Variants in AMN1 observed in about 807,000 individuals in gnomAD.
AMN1 encodes antagonist of mitotic exit network 1 homolog, also known as protein AMN1 homolog.
In AMN1, 20 loss-of-function variants were observed where a neutral mutation model predicts 33.0. That is an observed-to-expected ratio of 0.61 (90% CI 0.43 to 0.88). The LOEUF (loss-of-function observed/expected upper bound fraction) is 0.88. Ranked by LOEUF, AMN1 falls within the 40% of genes least tolerant of loss-of-function variation. The pLI is 0.00. For missense variants in AMN1, 246 were observed against 307.4 expected, an observed-to-expected ratio of 0.80 and a Z score of 1.49; for synonymous variants, 114 against 111.9, an observed-to-expected ratio of 1.02 and a Z score of -0.12.
intron 2 of AMN1, chr12:31,708,948 C>T (rs983154675): frequency 3.4e-5 from 13 of 387,368 alleles, no homozygotes; most frequent in South Asian, 7.6e-5. Flanking sequence ...GAGGCTGAGG[C>T]GGATGGATCA....
At chr12:31,699,342 G>A (rs1048266037) in intron 3 of AMN1, among the ~76,000 whole-genome samples, 1 of 124,174 alleles carries the variant, frequency 8.1e-6, no homozygotes, top group African/African-American at 3.0e-5. Context: ...GATGCAGTGA[G>A]CCGAGATGGC....
At chr12:31,701,014 T>C (rs1938973809) in intron 3 of AMN1, among the ~76,000 whole-genome samples, 1 of 149,192 alleles carries the variant, frequency 6.7e-6, no homozygotes, top group Non-Finnish European at 1.5e-5. Flanking sequence ...TTGTTGTTTA[T>C]TTTTGAGAGA....
intron 2 of AMN1, chr12:31,709,056 T>C (rs777650355): frequency 2.4e-5 from 13 of 549,692 alleles, no homozygotes; most frequent in Non-Finnish European, 3.7e-5. Context: ...TGTACACCTA[T>C]AGTCCCAACT....
chr12:31,713,545 A>T lies in AMN1; in HGVS notation c.39-4120T>A, dbSNP rs150637337. Among the ~76,000 whole-genome samples the T allele has an allele frequency of 6.2e-3, 938 of 152,340 alleles. 8 individuals are homozygous for T. Among genetic ancestry groups the T allele is most frequent in the Middle Eastern group, 0.01 (3 of 294 alleles). Reference sequence around the variant, plus strand: ...TGTGTCAGACATCTCAAGACATAAAACATTTCTGATTAAGGCTGAGCATGG... The same window carrying T: ...TGTGTCAGACATCTCAAGACATAAATCATTTCTGATTAAGGCTGAGCATGG... On this transcript the variant is annotated intron_variant, in intron 1 of 6. Transcript: ENST00000281471.
chr12:31,706,773 T>A (rs1414163211), intron 2 of AMN1, among the ~76,000 whole-genome samples: 1 of 152,118 alleles, frequency 6.6e-6, no homozygotes, highest in African/African-American at 2.4e-5. Flanking sequence ...ACCCCCTATG[T>A]CAGCTTAGTA....
intron 1 of AMN1, among the ~76,000 whole-genome samples, chr12:31,715,980 G>A (rs969748276): frequency 6.6e-6 from 1 of 152,198 alleles, no homozygotes; most frequent in Non-Finnish European, 1.5e-5. Context: ...TAAGACTGGT[G>A]TCAGTTGCAA....
intron 2 of AMN1, among the ~76,000 whole-genome samples, chr12:31,705,792 A>G (rs1159117701): frequency 6.6e-6 from 1 of 152,148 alleles, no homozygotes; most frequent in Non-Finnish European, 1.5e-5. Context: ...GACAACATAC[A>G]AAACTCATAA....
chr12:31,711,604 G>A (rs957905116), intron 1 of AMN1, among the ~76,000 whole-genome samples: 1 of 151,986 alleles, frequency 6.6e-6, no homozygotes, highest in African/African-American at 2.4e-5. Context: ...CATAATAGAT[G>A]TACATATTTT....
intron 6 of AMN1, among the ~76,000 whole-genome samples, chr12:31,678,159 C>G (rs1286337835): frequency 6.6e-6 from 1 of 152,112 alleles, no homozygotes; most frequent in Admixed American, 6.6e-5. Flanking sequence ...AAATCTTTGA[C>G]CAAATAAACC....
Position 31,701,969 on chromosome 12 carries a change from G to A in AMN1, c.210C>T (p.Ser70=). The change falls in exon 3 of 7, where the codon AGC becomes AGT. Residue 70 remains serine, a synonymous_variant. Transcript: ENST00000281471. ...GGAGAGCAGCATCTGATATATCGCAGCTCCGTAGATCTAGAGTTTGGACTT... is the reference window on the plus strand; with the variant it reads ...GGAGAGCAGCATCTGATATATCGCAACTCCGTAGATCTAGAGTTTGGACTT... The part of the protein sequence containing the change: ...HPEVQTLDLR[S]CDISDAALLH... 1 of 1,607,942 alleles carries A rather than the reference G, an allele frequency of 6.2e-7. No homozygotes were observed.
At chr12:31,681,086 G>C (rs186422381) in intron 6 of AMN1, among the ~76,000 whole-genome samples, 14 of 152,182 alleles carry the variant, frequency 9.2e-5, no homozygotes, top group Non-Finnish European at 1.6e-4. Flanking sequence ...GAGTAGAAGT[G>C]ATCTGGGTAG....
chr12:31,673,154 T>C (rs1951317112), intron 6 of AMN1: 2 of 152,154 alleles, frequency 1.3e-5, no homozygotes, highest in South Asian at 2.1e-4. Context: ...TTAATAAACT[T>C]GTTTCCATAG....
chr12:31,708,197 G>A (rs948438772), intron 2 of AMN1, among the ~76,000 whole-genome samples: 2 of 152,154 alleles, frequency 1.3e-5, no homozygotes, highest in African/African-American at 2.4e-5. Context: ...ATAAACAGAC[G>A]TGCAAGTAGG....
intron 1 of AMN1, among the ~76,000 whole-genome samples, chr12:31,711,081 T>C (rs1042534508): frequency 6.6e-6 from 1 of 152,168 alleles, no homozygotes; most frequent in Non-Finnish European, 1.5e-5. Flanking sequence ...GGCTAATTTT[T>C]GTATTTTTAA....
At chr12:31,726,161 CTTT>C (rs11384337) in intron 1 of AMN1, among the ~76,000 whole-genome samples, 2 of 142,246 alleles carry the variant, frequency 1.4e-5, no homozygotes. Flanking sequence ...AGAGTAATTT[CTTT>C]TTTTTTTTTT....
intron 1 of AMN1, among the ~76,000 whole-genome samples, chr12:31,713,643 C>A (rs1329737698): frequency 6.6e-6 from 1 of 152,142 alleles, no homozygotes; most frequent in Non-Finnish European, 1.5e-5. Flanking sequence ...GAGTTCAAGA[C>A]CAGCCTGGGA....
chr12:31,694,100 A>G (rs1045079082), intron 5 of AMN1, among the ~76,000 whole-genome samples: 1 of 151,896 alleles, frequency 6.6e-6, no homozygotes, highest in African/African-American at 2.4e-5. Flanking sequence ...TTAAAATGTG[A>G]TGAAAGGTAG....
chr12:31,706,040 C>T (rs866744630), intron 2 of AMN1, among the ~76,000 whole-genome samples: 2 of 152,086 alleles, frequency 1.3e-5, no homozygotes, highest in Admixed American at 6.6e-5. Context: ...TGGCCGGGCG[C>T]GGTGGCTCAC....
intron 1 of AMN1, among the ~76,000 whole-genome samples, chr12:31,720,983 C>T (rs1185096901): frequency 1.3e-5 from 2 of 152,144 alleles, no homozygotes; most frequent in African/African-American, 4.8e-5. Context: ...TATCTATAAT[C>T]CCAGCACTTT....
Sources: gnomAD v4.1 joint callset for allele counts (sites outside exome capture counted in the v4.1 genomes callset) on GRCh38, gnomAD v4.1.1 for gene constraint, MANE v1.5 for transcripts, NCBI Gene and HGNC (gene_info 2026-07-23, HGNC 2026-07-21) for gene names.